GPN3: variants seen among roughly 807,000 people sequenced by gnomAD.
GPN3 encodes the protein GPN-loop GTPase 3.
GPN3 carries 31 observed loss-of-function variants against 38.7 expected under a neutral mutation model. That is an observed-to-expected ratio of 0.80 (90% CI 0.60 to 1.08). The LOEUF (loss-of-function observed/expected upper bound fraction) is 1.08. Among genes scored for constraint, GPN3 ranks in the 50% least tolerant of loss-of-function variants. GPN3 has a pLI of 0.00. For synonymous variants in GPN3, 116 were observed against 120.2 expected (o/e 0.96, Z 0.23); for missense variants, 301 against 354.4 (o/e 0.85, Z 1.21).
At chr12:110,465,934 G>T (rs1478202123) in intron 1 of GPN3, among the ~76,000 whole-genome samples, 1 of 152,096 alleles carries the variant, frequency 6.6e-6, no homozygotes, top group East Asian at 1.9e-4. Context: ...AAAATTAGCT[G>T]GGCGTGGTGG....
At chr12:110,459,981 A>C in intron 2 of GPN3, 119 bp from the exon 3 acceptor site, 1 of 759,210 alleles carries the variant, frequency 1.3e-6, no homozygotes, top group East Asian at 2.6e-5. Flanking sequence ...GAAATTATTT[A>C]TGTACATGGC....
intron 2 of GPN3, among the ~76,000 whole-genome samples, chr12:110,463,298 A>G (rs910659444): frequency 6.6e-6 from 1 of 151,616 alleles, no homozygotes; most frequent in Non-Finnish European, 1.5e-5. Flanking sequence ...TCTACAAAAA[A>G]TACAAAAATT....
At chr12:110,455,356 G>T (rs1383773926) in intron 6 of GPN3, among the ~76,000 whole-genome samples, 1 of 152,048 alleles carries the variant, frequency 6.6e-6, no homozygotes, top group Non-Finnish European at 1.5e-5. Flanking sequence ...TTGAACTCCT[G>T]ATCTCAAATG....
Position 110,452,920 on chromosome 12 carries a change from GT to G in GPN3, c.*113del. On this transcript the variant is annotated 3_prime_UTR_variant, in exon 8 of 8. Coordinates refer to ENST00000228827, the MANE Select transcript of GPN3 (RefSeq NM_016301.4). The stretch of plus-strand genomic sequence containing the variant: ...AGGCATGAGGCTGATAAAGAACGAA[GT>G]TTTACTTTTTTTCATTAAAATAAGT... 1.4e-6 allele frequency: 1 copy of G among 706,156 alleles called. No homozygotes were observed. Among genetic ancestry groups the G allele is most frequent in the African/African-American group, 1.8e-5 (1 of 56,418 alleles). The allele number at this position is 706,156 out of a possible 1,614,324, so 43.7% of individuals were successfully genotyped here.
chr12:110,456,689 CTCT>C (rs1413665019), intron 4 of GPN3, among the ~76,000 whole-genome samples: 1 of 146,956 alleles, frequency 6.8e-6, no homozygotes, highest in Non-Finnish European at 1.5e-5. Context: ...CCACTACTTC[CTCT>C]TTTTTTTTTT....
chr12:110,468,471 C>A (rs1351327536), upstream of GPN3: 2 of 1,537,068 alleles, frequency 1.3e-6, no homozygotes, highest in South Asian at 1.2e-5. Flanking sequence ...AGCTTGGATA[C>A]CTGAGTAATA....
intron 2 of GPN3, among the ~76,000 whole-genome samples, chr12:110,460,733 G>A (rs543476960): frequency 6.6e-5 from 10 of 152,196 alleles, no homozygotes; most frequent in South Asian, 2.1e-4. Context: ...TTGGGAGGCC[G>A]AGGTGGGGGG....
At chr12:110,468,108 C>A in intron 1 of GPN3, 48 bp downstream of exon 1, 1 of 1,614,020 alleles carries the variant, frequency 6.2e-7, no homozygotes, top group Non-Finnish European at 8.5e-7. Flanking sequence ...CAATCTCCCG[C>A]CTTCCACGAA....
At chr12:110,460,098 AT>A (rs1443033487) in intron 2 of GPN3, among the ~76,000 whole-genome samples, 5 of 152,228 alleles carry the variant, frequency 3.3e-5, no homozygotes, top group Admixed American at 3.3e-4. Context: ...CTCTTTAAGT[AT>A]TAATAATAAT....
At chr12:110,467,076 C>A (rs571204554) in intron 1 of GPN3, among the ~76,000 whole-genome samples, 64 of 152,278 alleles carry the variant, frequency 4.2e-4, no homozygotes, top group African/African-American at 1.5e-3. Flanking sequence ...ACAGCCTCAA[C>A]CTCCTGGGTT....
Position 110,453,863 on chromosome 12 carries a change from G to A in GPN3, c.672C>T (p.Asp224=). 6.2e-7 allele frequency: 1 copy of A among 1,605,054 alleles called. No homozygotes were observed. The highest frequency in any genetic ancestry group is 8.5e-7 in the Non-Finnish European group (1 of 1,173,658). The change falls in exon 7 of 8, where the codon GAC becomes GAT. Residue 224 remains aspartate (D), a synonymous_variant. Coordinates refer to ENST00000228827, the MANE Select transcript of GPN3 (RefSeq NM_016301.4). ...LTKAICGLID[D]YSMVRFLPYD... ...AAGGTAAAAATCGAACCATGCTGTA[G>A]TCATCAATCTACAAGTTGTGGATTT... is the stretch of plus-strand genomic sequence containing the variant.
chr12:110,467,245 C>T (rs1262718537), intron 1 of GPN3, among the ~76,000 whole-genome samples: 2 of 152,122 alleles, frequency 1.3e-5, no homozygotes, highest in Admixed American at 1.3e-4. Flanking sequence ...CCACCTCCAT[C>T]TCCCAAAGTG....
intron 4 of GPN3, among the ~76,000 whole-genome samples, chr12:110,456,424 A>T (rs987170764): frequency 5.9e-5 from 9 of 151,980 alleles, no homozygotes; most frequent in African/African-American, 2.2e-4. Context: ...AGCCATATAG[A>T]AAAAAATGTT....
At chr12:110,468,487 C>T (rs1314600284), upstream of GPN3, 12 of 1,537,196 alleles carry the variant, frequency 7.8e-6, no homozygotes, top group Non-Finnish European at 9.6e-6. Context: ...TAATAACGGA[C>T]AACAGATAAA....
At chr12:110,465,052 CT>C in intron 2 of GPN3, 53 bp downstream of exon 2, 1 of 911,398 alleles carries the variant, frequency 1.1e-6, no homozygotes, top group Non-Finnish European at 1.9e-6. Context: ...TACTCACTGC[CT>C]CCCCAGCCCT....
intron 2 of GPN3, chr12:110,461,400 TG>T: frequency 1.5e-5 from 8 of 543,192 alleles, no homozygotes; most frequent in South Asian, 2.3e-5. Context: ...GTTATAAAAT[TG>T]AAAAAAAAAA....
At chr12:110,461,335 T>C in intron 2 of GPN3, 1 of 861,866 alleles carries the variant, frequency 1.2e-6, no homozygotes. Flanking sequence ...CTTTCAAAAA[T>C]CTACAGACAA....
intron 2 of GPN3, among the ~76,000 whole-genome samples, chr12:110,462,427 T>C (rs1018525567): frequency 6.6e-6 from 1 of 152,132 alleles, no homozygotes; most frequent in African/African-American, 2.4e-5. Flanking sequence ...TCACCCTTGA[T>C]TCCTTACTTT....
At chr12:110,467,990 C>G in intron 1 of GPN3, 166 bp downstream of exon 1, 1 of 974,154 alleles carries the variant, frequency 1.0e-6, no homozygotes, top group South Asian at 1.3e-5. Context: ...CATTATTTCC[C>G]TTTCAAAACA....
Sources: gnomAD v4.1 joint callset for allele counts (sites outside exome capture counted in the v4.1 genomes callset) on GRCh38, gnomAD v4.1.1 for gene constraint, MANE v1.5 for transcripts, NCBI Gene and HGNC (gene_info 2026-07-23, HGNC 2026-07-21) for gene names.